Variants in NEK10 observed in about 807,000 individuals in gnomAD.
NEK10 encodes the protein serine/threonine-protein kinase Nek10.
A neutral mutation model predicts 159.8 loss-of-function variants in NEK10; 122 were observed. The ratio of observed to expected loss-of-function variants is 0.76; its 90% CI spans 0.66 to 0.89. The LOEUF (loss-of-function observed/expected upper bound fraction) is 0.89, where lower values mean the gene tolerates loss of function less well. Among genes scored for constraint, NEK10 ranks in the 40% least tolerant of loss-of-function variants. NEK10 has a pLI of 0.00. For synonymous variants in NEK10, 466 were observed against 457.1 expected, an observed-to-expected ratio of 1.02 and a Z score of -0.25; for missense variants, 1,342 against 1,323.1, an observed-to-expected ratio of 1.01 and a Z score of -0.22.
At chr3:27,117,501 C>T (rs1940642718) in intron 33 of NEK10, among the ~76,000 whole-genome samples, 1 of 152,140 alleles carries the variant, frequency 6.6e-6, no homozygotes, top group South Asian at 2.1e-4. Flanking sequence ...TGTTTCTTGA[C>T]ATTTAAATAA....
At chr3:27,225,510 ACCTTGTGCT>A (rs1559644336) in intron 23 of NEK10, among the ~76,000 whole-genome samples, 2 of 152,208 alleles carry the variant, frequency 1.3e-5, no homozygotes, top group African/African-American at 4.8e-5. Flanking sequence ...TTACCACTGT[ACCTTGTGCT>A]ATAGAAGCAT....
At chr3:27,330,414 G>C (rs1434452159) in intron 5 of NEK10, among the ~76,000 whole-genome samples, 1 of 152,122 alleles carries the variant, frequency 6.6e-6, no homozygotes, top group Admixed American at 6.5e-5. Flanking sequence ...TGTTTAAAAA[G>C]TTCTACTCTG....
chr3:27,345,297 G>A (rs2047475775), intron 4 of NEK10, among the ~76,000 whole-genome samples: 1 of 151,988 alleles, frequency 6.6e-6, no homozygotes, highest in African/African-American at 2.4e-5. Context: ...CACGGGCACT[G>A]GTACTCACTA....
At chr3:27,207,991 A>C (rs1177316668) in intron 23 of NEK10, among the ~76,000 whole-genome samples, 1 of 152,160 alleles carries the variant, frequency 6.6e-6, no homozygotes, top group Non-Finnish European at 1.5e-5. Flanking sequence ...ATGTAGCAAT[A>C]TAGGATGAAT....
intron 35 of NEK10, 53 bp from the exon 36 acceptor site, chr3:27,111,373 C>T (rs949504402): frequency 5.0e-6 from 7 of 1,387,864 alleles, no homozygotes; most frequent in Non-Finnish European, 6.9e-6. Flanking sequence ...TATTTTAGTT[C>T]ATACATTCAA....
chr3:27,122,830 G>A (rs1941493331), intron 32 of NEK10, among the ~76,000 whole-genome samples: 1 of 152,124 alleles, frequency 6.6e-6, no homozygotes, highest in Non-Finnish European at 1.5e-5. Context: ...GCTATTTTAA[G>A]ATGACAAGGA....
chr3:27,125,793 G>T (rs927326662), intron 32 of NEK10, among the ~76,000 whole-genome samples: 2 of 152,028 alleles, frequency 1.3e-5, no homozygotes, highest in African/African-American at 4.8e-5. Flanking sequence ...CTGTTGCTGT[G>T]GTGTTTACAT....
At chr3:27,181,044 T>C (rs1948049035) in intron 26 of NEK10, among the ~76,000 whole-genome samples, 1 of 152,080 alleles carries the variant, frequency 6.6e-6, no homozygotes. Context: ...TACCTCAGGA[T>C]CTTTGGTCAT....
At chr3:27,297,737 A>G (rs1399550850) in intron 13 of NEK10, among the ~76,000 whole-genome samples, 1 of 152,196 alleles carries the variant, frequency 6.6e-6, no homozygotes, top group African/African-American at 2.4e-5. Flanking sequence ...CAGTAAGTGG[A>G]AATGACCAGG....
In NEK10 at chr3:27,334,383, C is replaced by T. The variant is rs2149725422; in HGVS notation, c.362+9889G>A. Among the ~76,000 whole-genome samples the T allele has an allele frequency of 2.0e-5, 3 of 152,312 alleles. No homozygotes were observed. In the South Asian group the frequency reaches 6.2e-4, roughly 32 times the overall value. Reference sequence around the variant, plus strand: ...TGAGAACCCTTCTACCTGTCCAGCCCATGGTTGTCACTACTGGCATCCAAG... The same window carrying T: ...TGAGAACCCTTCTACCTGTCCAGCCTATGGTTGTCACTACTGGCATCCAAG... On this transcript the variant is annotated intron_variant, in intron 5 of 35. Coordinates refer to ENST00000691995, the MANE Select transcript of NEK10 (RefSeq NM_001394966.1).
chr3:27,245,235 C>T (rs934533917), intron 23 of NEK10, among the ~76,000 whole-genome samples: 1 of 152,072 alleles, frequency 6.6e-6, no homozygotes, highest in Non-Finnish European at 1.5e-5. Context: ...TTCCTGAAGC[C>T]ATTTGGGGGA....
At chr3:27,354,119 T>C (rs1414938553) in intron 1 of NEK10, among the ~76,000 whole-genome samples, 1 of 152,170 alleles carries the variant, frequency 6.6e-6, no homozygotes, top group Admixed American at 6.5e-5. Context: ...AGCCACACTG[T>C]CCTGCTGTTG....
At chr3:27,143,570 C>A in intron 30 of NEK10, 1 of 633,606 alleles carries the variant, frequency 1.6e-6, no homozygotes, top group South Asian at 1.9e-5. Context: ...TATTGAGACC[C>A]TTTGACCACT....
At chr3:27,123,641 T>C (rs1374061246) in intron 32 of NEK10, among the ~76,000 whole-genome samples, 1 of 152,190 alleles carries the variant, frequency 6.6e-6, no homozygotes, top group African/African-American at 2.4e-5. Context: ...GTCTGTGAAA[T>C]GTCCACCTAG....
intron 31 of NEK10, among the ~76,000 whole-genome samples, chr3:27,135,150 G>T (rs1040533925): frequency 6.6e-6 from 1 of 152,106 alleles, no homozygotes; most frequent in African/African-American, 2.4e-5. Context: ...CAGGCACGGT[G>T]GTTCATGCCT....
chr3:27,218,724 C>A, intron 23 of NEK10, among the ~76,000 whole-genome samples: 1 of 108,482 alleles, frequency 9.2e-6, no homozygotes, highest in Admixed American at 1.1e-4. Context: ...ATCATATTAA[C>A]AGAATGAAGT....
intron 25 of NEK10, among the ~76,000 whole-genome samples, chr3:27,198,873 C>T (rs1201681243): frequency 7.2e-6 from 1 of 139,162 alleles, no homozygotes; most frequent in Non-Finnish European, 1.6e-5. Context: ...AGATAGAGAC[C>T]ATCCTGGCTA....
chr3:27,239,050 C>A (rs995146339), intron 23 of NEK10, among the ~76,000 whole-genome samples: 1 of 152,054 alleles, frequency 6.6e-6, no homozygotes, highest in Non-Finnish European at 1.5e-5. Context: ...ACTTGGCCCA[C>A]AACCAGTGAT....
intron 23 of NEK10, among the ~76,000 whole-genome samples, chr3:27,251,461 G>GTT (rs373223943): frequency 0.02 from 3,078 of 152,238 alleles, 110 homozygotes; most frequent in African/African-American, 0.071. Flanking sequence ...AGTTCTGGTT[G>GTT]TTTTTAAAGT....
Sources: gnomAD v4.1 joint callset for allele counts (sites outside exome capture counted in the v4.1 genomes callset) on GRCh38, gnomAD v4.1.1 for gene constraint, MANE v1.5 for transcripts, NCBI Gene and HGNC (gene_info 2026-07-23, HGNC 2026-07-21) for gene names.